The following CDH13 variants were observed in gnomAD, a reference collection of about 807,000 sequenced individuals.
The protein encoded by CDH13 is cadherin 13.
A neutral mutation model predicts 63.8 loss-of-function variants in CDH13; 24 were observed. That is an observed-to-expected ratio of 0.38 (90% CI 0.27 to 0.53). The LOEUF (loss-of-function observed/expected upper bound fraction) is 0.53. Among genes scored for constraint, CDH13 ranks in the 20% least tolerant of loss-of-function variants. The pLI is 0.85. For missense variants in CDH13, 1,049 were observed against 903.1 expected (o/e 1.16, Z -2.07); for synonymous variants, 503 against 355.3 (o/e 1.42, Z -4.67).
chr16:83,079,097 G>A (rs186720862), intron 3 of CDH13, among the ~76,000 whole-genome samples: 20 of 152,166 alleles, frequency 1.3e-4, no homozygotes, highest in South Asian at 4.2e-4. Flanking sequence ...GCCCGGCCCA[G>A]GTTTTTCATG....
intron 1 of CDH13, among the ~76,000 whole-genome samples, chr16:82,696,770 G>T (rs938459562): frequency 2.0e-5 from 3 of 152,156 alleles, no homozygotes; most frequent in Non-Finnish European, 4.4e-5. Context: ...TGGCTTACAA[G>T]CAAGTATTAT....
At chr16:83,275,577 G>A (rs557148607) in intron 5 of CDH13, among the ~76,000 whole-genome samples, 18 of 66,212 alleles carry the variant, frequency 2.7e-4, no homozygotes, top group East Asian at 5.5e-4. Context: ...CTCAGAAAGC[G>A]TGTATAGGAG....
chr16:82,975,927 G>A (rs7204756), intron 2 of CDH13, among the ~76,000 whole-genome samples: 5,323 of 152,110 alleles, frequency 0.035, 312 homozygotes, highest in African/African-American at 0.12. Flanking sequence ...TCCTCCAAGC[G>A]CTCTCCCCCA....
chr16:83,142,520 C>T lies in CDH13; in HGVS notation c.483+17019C>T, dbSNP rs148868460. On this transcript the variant is annotated intron_variant, in intron 4 of 13. Transcript: ENST00000567109. Reference sequence around the variant, plus strand: ...CCTTGGGTCTGAGGTTGAACGTTACCTCCTCGGGGAAGCTTTCCTCAATTC... The same window carrying T: ...CCTTGGGTCTGAGGTTGAACGTTACTTCCTCGGGGAAGCTTTCCTCAATTC... 2.6e-5 allele frequency among the ~76,000 whole-genome samples: 4 copies of T among 152,238 alleles called. No individual in the cohort carries two copies. In the East Asian group the frequency reaches 7.7e-4, roughly 29 times the overall value.
At chr16:82,912,811 C>T (rs575069100) in intron 2 of CDH13, among the ~76,000 whole-genome samples, 74 of 152,038 alleles carry the variant, frequency 4.9e-4, no homozygotes, top group East Asian at 4.7e-3. Flanking sequence ...GGCGTGGTGG[C>T]GGGCACCTGT....
chr16:83,375,153 C>G (rs150495972), intron 6 of CDH13, among the ~76,000 whole-genome samples: 1 of 152,350 alleles, frequency 6.6e-6, no homozygotes, highest in East Asian at 1.9e-4. Flanking sequence ...ATTGGTTTCA[C>G]TGTACTACTC....
At chr16:83,630,274 G>A (rs1335699972) in intron 8 of CDH13, among the ~76,000 whole-genome samples, 1 of 152,176 alleles carries the variant, frequency 6.6e-6, no homozygotes, top group African/African-American at 2.4e-5. Context: ...TTGATGCTAT[G>A]AACCTAAAAG....
chr16:83,456,578 A>G (rs890226326), intron 6 of CDH13, among the ~76,000 whole-genome samples: 1 of 152,070 alleles, frequency 6.6e-6, no homozygotes, highest in Non-Finnish European at 1.5e-5. Flanking sequence ...AGTGTGCCAG[A>G]TGGGCTAATG....
At chr16:83,548,854 A>G (rs2075437003) in intron 7 of CDH13, among the ~76,000 whole-genome samples, 1 of 152,094 alleles carries the variant, frequency 6.6e-6, no homozygotes, top group African/African-American at 2.4e-5. Flanking sequence ...TCCTTGCATT[A>G]GAATGGTTTT....
intron 5 of CDH13, among the ~76,000 whole-genome samples, chr16:83,304,752 C>G (rs1368316494): frequency 6.6e-6 from 1 of 152,084 alleles, no homozygotes; most frequent in Non-Finnish European, 1.5e-5. Flanking sequence ...GGTTAATAGT[C>G]TGGGAGTAAA....
At chr16:83,581,209 T>C (rs1000746869) in intron 7 of CDH13, among the ~76,000 whole-genome samples, 2 of 152,212 alleles carry the variant, frequency 1.3e-5, no homozygotes, top group Admixed American at 6.5e-5. Context: ...AAAGCAGGTA[T>C]GGTCTCTGCC....
intron 6 of CDH13, among the ~76,000 whole-genome samples, chr16:83,390,217 G>A (rs1188019666): frequency 6.6e-6 from 1 of 152,184 alleles, no homozygotes; most frequent in East Asian, 1.9e-4. Flanking sequence ...ATACAGCTTT[G>A]AATGCATACA....
At chr16:82,996,240 G>A (rs1347493564) in intron 2 of CDH13, among the ~76,000 whole-genome samples, 2 of 151,808 alleles carry the variant, frequency 1.3e-5, no homozygotes. Context: ...AATCAGTTGA[G>A]AAGTAATGAA....
chr16:82,688,268 C>T (rs1369996240), intron 1 of CDH13, among the ~76,000 whole-genome samples: 26 of 152,158 alleles, frequency 1.7e-4, no homozygotes, highest in Admixed American at 1.6e-3. Flanking sequence ...CCATGTGTAT[C>T]TGGGAACATG....
At chr16:82,782,117 A>T (rs1049087375) in intron 1 of CDH13, among the ~76,000 whole-genome samples, 2 of 152,150 alleles carry the variant, frequency 1.3e-5, no homozygotes, top group African/African-American at 4.8e-5. Flanking sequence ...AGAAATATGG[A>T]TATGTAGGAG....
At chr16:83,349,400 C>G (rs962514174) in intron 6 of CDH13, among the ~76,000 whole-genome samples, 12 of 152,042 alleles carry the variant, frequency 7.9e-5, no homozygotes, top group African/African-American at 2.4e-4. Context: ...GGGTGTTTTG[C>G]CCTCTGGTGG....
In CDH13 at chr16:83,602,436, T is replaced by C; in HGVS notation, c.961-18T>C. 1.2e-6 allele frequency: 2 copies of C among 1,613,818 alleles called. No individual in the cohort carries two copies. The highest frequency in any genetic ancestry group is 2.2e-5 in the East Asian group (1 of 44,888). On this transcript the variant is annotated intron_variant, in intron 7 of 13. Transcript: ENST00000567109. ...AAATCTAAATGTCATATTATTTCTT[T>C]GTGCTTGTGCTTTGTAGACTCTGGA...
intron 7 of CDH13, among the ~76,000 whole-genome samples, chr16:83,561,426 C>CAAAAA (rs5818456): frequency 8.8e-6 from 1 of 114,146 alleles, no homozygotes. Context: ...AACACCATCT[C>CAAAAA]AAAAAAAAAA....
At chr16:83,045,089 C>G (rs142584434) in intron 3 of CDH13, among the ~76,000 whole-genome samples, 1 of 152,168 alleles carries the variant, frequency 6.6e-6, no homozygotes, top group Non-Finnish European at 1.5e-5. Context: ...CATGGAGATA[C>G]TTGGTCACTG....
Sources: allele counts gnomAD v4.1 joint callset (sites outside exome capture counted in the v4.1 genomes callset), GRCh38; gene constraint gnomAD v4.1.1; transcripts MANE v1.5; gene names NCBI Gene and HGNC (gene_info 2026-07-23, HGNC 2026-07-21).